Variants in CUX2 observed in about 807,000 individuals in gnomAD.
CUX2 encodes the protein cut like homeobox 2.
In CUX2, 40 loss-of-function variants were observed where a neutral mutation model predicts 144.8. That is an observed-to-expected ratio of 0.28 (90% CI 0.21 to 0.36). The LOEUF is 0.36. CUX2 is among the 10% of genes least tolerant of loss of function. The pLI, the probability that CUX2 is intolerant of heterozygous loss-of-function variation, is 1.00. For missense variants in CUX2, 1,615 were observed against 1,994.0 expected, an observed-to-expected ratio of 0.81 and a Z score of 3.62; for synonymous variants, 827 against 875.6, an observed-to-expected ratio of 0.94 and a Z score of 0.98.
intron 1 of CUX2, among the ~76,000 whole-genome samples, chr12:111,182,455 G>A (rs1018736403): frequency 2.0e-5 from 3 of 152,196 alleles, no homozygotes; most frequent in Non-Finnish European, 4.4e-5. Flanking sequence ...CAGTTGATCC[G>A]TCTTCTCAGA....
At position 111,186,803 on chromosome 12, in the gene CUX2, G is replaced by T. The variant is rs1879564297; in HGVS notation, c.64-27397G>T. Among the ~76,000 whole-genome samples the T allele has an allele frequency of 6.7e-6, 1 of 148,530 alleles. No individual in the cohort carries two copies. Among genetic ancestry groups the T allele is most frequent in the Non-Finnish European group, 1.5e-5 (1 of 67,504 alleles). ...GTATGTTTTTTTTTTTTTTGAGACA[G>T]AATTTCACCGCATCACCCAGACTGG... On this transcript the variant is annotated intron_variant, in intron 1 of 21. Transcript: ENST00000261726. This position sits in a 1 kb window ranked among gnomAD's most constrained non-coding sequence, Gnocchi z 4.4.
rs35535869 is a variant in CUX2 at position 111,152,284 on chromosome 12, C to CA, written c.64-61908dup. ...TGGGCGACAGAGCAAGACTCTGTCTCAAAAAAAATAAATAAATAAAATAAA... is the reference window on the plus strand; with the variant it reads ...TGGGCGACAGAGCAAGACTCTGTCTCAAAAAAAAATAAATAAATAAAATAAA... On this transcript the variant is annotated intron_variant, in intron 1 of 21. Coordinates refer to ENST00000261726, the MANE Select transcript of CUX2 (RefSeq NM_015267.4). Among the ~76,000 whole-genome samples, 10 of 150,722 alleles carry CA rather than the reference C, an allele frequency of 6.6e-5. No individual in the cohort carries two copies. The East Asian group carries it at 1.2e-3, about 18-fold the overall frequency.
chr12:111,325,350 A>T (rs1887725403), intron 18 of CUX2, among the ~76,000 whole-genome samples: 1 of 152,014 alleles, frequency 6.6e-6, no homozygotes, highest in Non-Finnish European at 1.5e-5. Context: ...CACTTACCAC[A>T]CATAGCACCA....
intron 7 of CUX2, among the ~76,000 whole-genome samples, chr12:111,296,089 G>A (rs1318025451): frequency 1.3e-5 from 2 of 152,058 alleles, no homozygotes; most frequent in Non-Finnish European, 2.9e-5. Context: ...TGAACACCTC[G>A]GGATGGATGG....
At chr12:111,118,410 A>G (rs1365640641) in intron 1 of CUX2, among the ~76,000 whole-genome samples, 1 of 152,190 alleles carries the variant, frequency 6.6e-6, no homozygotes, top group Non-Finnish European at 1.5e-5. Flanking sequence ...GCGCTCAGTG[A>G]TGTCCAGTTG....
chr12:111,079,748 C>T (rs11837450), intron 1 of CUX2, among the ~76,000 whole-genome samples: 7,885 of 152,242 alleles, frequency 0.052, 709 homozygotes, highest in African/African-American at 0.18. Context: ...ACAGCCTGTG[C>T]GTACACCTGT....
chr12:111,271,644 GA>G (rs1884654478), intron 4 of CUX2, among the ~76,000 whole-genome samples: 1 of 152,256 alleles, frequency 6.6e-6, no homozygotes, highest in Non-Finnish European at 1.5e-5. Flanking sequence ...CAAACCCCAG[GA>G]TCAGTGACCA....
chr12:111,113,776 C>T (rs764159289), intron 1 of CUX2, among the ~76,000 whole-genome samples: 32 of 152,134 alleles, frequency 2.1e-4, no homozygotes, highest in Non-Finnish European at 3.7e-4. Flanking sequence ...AGGCTGGTCT[C>T]GAACCCGTGA....
chr12:111,307,354 C>A lies in CUX2; in HGVS notation c.1109+97C>A. The A allele has an allele frequency of 9.0e-7, 1 of 1,113,588 alleles. No homozygotes were observed. Among genetic ancestry groups the A allele is most frequent in the East Asian group, 2.4e-5 (1 of 41,492 alleles). 69.0% of individuals were successfully genotyped at this position (1,113,588 alleles called of 1,614,324 possible). ...CATCTTCCTCCCTCCTACTAAACCCCATTTGTTCTTCTCTCCACTAACACT... is the reference window on the plus strand; with the variant it reads ...CATCTTCCTCCCTCCTACTAAACCCAATTTGTTCTTCTCTCCACTAACACT... On this transcript the variant is annotated intron_variant, in intron 12 of 21. Transcript: ENST00000261726. The surrounding 1 kb of genome is among the most constrained non-coding windows in gnomAD (Gnocchi z 4.1).
At position 111,310,708 on chromosome 12, in the gene CUX2, C is replaced by T. The variant is rs749893192; in HGVS notation, c.1900+26C>T. On this transcript the variant is annotated intron_variant, in intron 15 of 21. Coordinates refer to ENST00000261726, the MANE Select transcript of CUX2 (RefSeq NM_015267.4). This position sits in a 1 kb window ranked among gnomAD's most constrained non-coding sequence, Gnocchi z 7.9. The stretch of plus-strand genomic sequence containing the variant: ...GTGAGTGCCCAAGAGGGCCCGTCCC[C>T]GCTGGCCACCACGCCAGGTCCAGGG... The T allele has an allele frequency of 3.9e-6, 6 of 1,557,426 alleles. No individual in the cohort carries two copies. The highest frequency in any genetic ancestry group is 1.2e-5 in the South Asian group (1 of 83,188).
intron 4 of CUX2, among the ~76,000 whole-genome samples, chr12:111,278,370 G>A (rs534360812): frequency 2.0e-5 from 3 of 152,334 alleles, no homozygotes; most frequent in African/African-American, 7.2e-5. Context: ...GCAGTGAGCC[G>A]TGATTGTGCC....
chr12:111,231,003 AGTAT>A (rs1565862740), intron 3 of CUX2, among the ~76,000 whole-genome samples: 2 of 152,208 alleles, frequency 1.3e-5, no homozygotes, highest in Non-Finnish European at 2.9e-5. Context: ...ATGAGCATTG[AGTAT>A]GTATTGCCTT....
intron 1 of CUX2, among the ~76,000 whole-genome samples, chr12:111,180,851 G>A (rs1224107356): frequency 2.6e-5 from 4 of 152,340 alleles, no homozygotes; most frequent in South Asian, 4.1e-4. Flanking sequence ...AAATATGGCC[G>A]AGAACCCTTT....
At chr12:111,245,778 C>T (rs1342163262) in intron 3 of CUX2, among the ~76,000 whole-genome samples, 1 of 152,052 alleles carries the variant, frequency 6.6e-6, no homozygotes, top group Non-Finnish European at 1.5e-5. Context: ...CCAAGTGCCT[C>T]CTGTTTGTGT....
At chr12:111,062,092 C>G (rs150358042) in intron 1 of CUX2, among the ~76,000 whole-genome samples, 91 of 152,374 alleles carry the variant, frequency 6.0e-4, no homozygotes, top group African/African-American at 2.1e-3. Context: ...GTTAGCACTT[C>G]TGCTATAGCC....
At chr12:111,066,213 T>G (rs942079154) in intron 1 of CUX2, among the ~76,000 whole-genome samples, 2 of 152,208 alleles carry the variant, frequency 1.3e-5, no homozygotes. Context: ...GTGAGTTCCC[T>G]CTTCAGTTTT....
At chr12:111,201,984 T>A (rs1880623318) in intron 1 of CUX2, among the ~76,000 whole-genome samples, 1 of 152,110 alleles carries the variant, frequency 6.6e-6, no homozygotes, top group Non-Finnish European at 1.5e-5. Context: ...AACACAGACC[T>A]CCCAGAAGAT....
At chr12:111,119,107 A>G (rs1159120490) in intron 1 of CUX2, among the ~76,000 whole-genome samples, 1 of 152,198 alleles carries the variant, frequency 6.6e-6, no homozygotes, top group Non-Finnish European at 1.5e-5. Flanking sequence ...GCAGAGGGCA[A>G]ACCTTTTCTC....
At chr12:111,198,241 C>T (rs1366419983) in intron 1 of CUX2, among the ~76,000 whole-genome samples, 1 of 151,936 alleles carries the variant, frequency 6.6e-6, no homozygotes, top group Non-Finnish European at 1.5e-5. Context: ...TTTGGGAGGC[C>T]GAGGTGGATA....
Sources: gnomAD v4.1 joint callset for allele counts (sites outside exome capture counted in the v4.1 genomes callset) on GRCh38, gnomAD v4.1.1 for gene constraint, Gnocchi (gnomAD v3.1) non-coding constraint, MANE v1.5 for transcripts, NCBI Gene and HGNC (gene_info 2026-07-23, HGNC 2026-07-21) for gene names.